ADARB2: variants seen among roughly 807,000 people sequenced by gnomAD.
ADARB2 encodes inactive double-stranded RNA-specific editase B2.
ADARB2 carries 25 observed loss-of-function variants against 62.2 expected under a neutral mutation model. That is an observed-to-expected ratio of 0.40 (90% confidence interval 0.29 to 0.56). The LOEUF is 0.56. Among genes scored for constraint, ADARB2 ranks in the 20% least tolerant of loss-of-function variants. The pLI is 0.43. For synonymous variants in ADARB2, 572 were observed against 500.8 expected, an observed-to-expected ratio of 1.14 and a Z score of -1.90; for missense variants, 1,071 against 1,077.4, an observed-to-expected ratio of 0.99 and a Z score of 0.08.
intron 1 of ADARB2, among the ~76,000 whole-genome samples, chr10:1,532,891 C>T (rs1048384312): frequency 6.6e-6 from 1 of 152,082 alleles, no homozygotes; most frequent in African/African-American, 2.4e-5. Flanking sequence ...CCATCTGAAC[C>T]CCTCAGGCTG....
At chr10:1,421,279 A>C (rs1041352533) in intron 1 of ADARB2, among the ~76,000 whole-genome samples, 5 of 151,816 alleles carry the variant, frequency 3.3e-5, no homozygotes, top group African/African-American at 1.2e-4. Flanking sequence ...TTTGTGGGAC[A>C]GGTGGCTGGT....
intron 4 of ADARB2, among the ~76,000 whole-genome samples, chr10:1,252,750 G>A (rs1831047870): frequency 6.6e-6 from 1 of 151,892 alleles, no homozygotes. Flanking sequence ...TAAAATGTCT[G>A]GCTTGGGGAC....
intron 1 of ADARB2, among the ~76,000 whole-genome samples, chr10:1,682,430 C>T (rs890982347): frequency 1.3e-5 from 2 of 152,182 alleles, no homozygotes; most frequent in African/African-American, 4.8e-5. Context: ...AAACCAGTAT[C>T]CCCTGAAAGT....
intron 1 of ADARB2, among the ~76,000 whole-genome samples, chr10:1,720,735 G>A (rs532950553): frequency 1.1e-4 from 17 of 152,162 alleles, no homozygotes; most frequent in Admixed American, 3.9e-4. Context: ...CCCTGGACAC[G>A]TGGAAACCCT....
chr10:1,720,997 T>A (rs1468490603), intron 1 of ADARB2, among the ~76,000 whole-genome samples: 8 of 152,178 alleles, frequency 5.3e-5, no homozygotes, highest in Non-Finnish European at 1.2e-4. Context: ...TGAAGATGAT[T>A]TCAAAAATGG....
intron 1 of ADARB2, among the ~76,000 whole-genome samples, chr10:1,730,913 C>T (rs1344102865): frequency 6.6e-6 from 1 of 152,200 alleles, no homozygotes; most frequent in East Asian, 1.9e-4. Flanking sequence ...TAACTGTATT[C>T]ATTCACCATC....
At chr10:1,327,085 T>TCCCCACGGCCCAGCG in intron 3 of ADARB2, among the ~76,000 whole-genome samples, 1 of 93,044 alleles carries the variant, frequency 1.1e-5, no homozygotes, top group East Asian at 3.4e-4. Flanking sequence ...GCACAGCGCC[T>TCCCCACGGCCCAGCG]CCTCACTGCA....
chr10:1,388,425 G>C (rs1240469998), intron 1 of ADARB2, among the ~76,000 whole-genome samples: 1 of 152,106 alleles, frequency 6.6e-6, no homozygotes, highest in Non-Finnish European at 1.5e-5. Context: ...TGGAAAGGAA[G>C]TAGAACTGAC....
intron 4 of ADARB2, among the ~76,000 whole-genome samples, chr10:1,269,528 C>G (rs915811152): frequency 3.3e-5 from 5 of 152,206 alleles, no homozygotes; most frequent in African/African-American, 4.8e-5. Flanking sequence ...TTCAAAATAA[C>G]CTGATCAGGT....
At chr10:1,727,397 C>G (rs1325815121) in intron 1 of ADARB2, among the ~76,000 whole-genome samples, 1 of 152,186 alleles carries the variant, frequency 6.6e-6, no homozygotes, top group Non-Finnish European at 1.5e-5. Context: ...GAGTGCTGCC[C>G]TGTGTAAAAG....
rs911004564 is a variant in ADARB2, at chr10:1,179,016, A to G, written c.*4177T>C. The G allele has an allele frequency of 6.6e-6, 1 of 152,242 alleles. No individual in the cohort carries two copies. Among genetic ancestry groups the G allele is most frequent in the Non-Finnish European group, 1.5e-5 (1 of 68,044 alleles). The allele number at this position is 152,242 out of a possible 1,614,324, so 9.4% of individuals were successfully genotyped here. A position where few individuals can be genotyped will look rare whatever the true frequency, so the allele number is the denominator to read the frequency against. Reference sequence around the variant, plus strand: ...AGAATGGCTTCTTAAAAAAGGGCATATAAGTTTCCCTAAATTAAAAATGTC... The same window carrying G: ...AGAATGGCTTCTTAAAAAAGGGCATGTAAGTTTCCCTAAATTAAAAATGTC... On this transcript the variant is annotated 3_prime_UTR_variant, in exon 10 of 10. Coordinates refer to ENST00000381312, the MANE Select transcript of ADARB2 (RefSeq NM_018702.4).
At chr10:1,276,781 A>C (rs1831322110) in intron 3 of ADARB2, among the ~76,000 whole-genome samples, 1 of 152,140 alleles carries the variant, frequency 6.6e-6, no homozygotes, top group Admixed American at 6.6e-5. Flanking sequence ...AGAACTCTCC[A>C]CCCCAAATCA....
At chr10:1,417,253 A>G (rs1178536029) in intron 1 of ADARB2, among the ~76,000 whole-genome samples, 1 of 148,550 alleles carries the variant, frequency 6.7e-6, no homozygotes, top group Admixed American at 7.5e-5. Context: ...GTCAAGAAGT[A>G]TAGACTAGAT....
At chr10:1,709,088 A>T (rs1195340694) in intron 1 of ADARB2, among the ~76,000 whole-genome samples, 1 of 152,154 alleles carries the variant, frequency 6.6e-6, no homozygotes, top group East Asian at 1.9e-4. Context: ...ACTAAGAATG[A>T]CTGTTTCATA....
Position 1,234,048 on chromosome 10 carries a change from G to A in ADARB2, c.1362-203C>T, listed in dbSNP as rs934849089. ...TGCAATGGTGCCATATTTGCTCACT[G>A]CAACCTCCACCCACTGAGTTCAAGC... is the stretch of plus-strand genomic sequence containing the variant. On this transcript the variant is annotated intron_variant, in intron 5 of 9. Coordinates refer to ENST00000381312, the MANE Select transcript of ADARB2 (RefSeq NM_018702.4). Among the ~76,000 whole-genome samples, 44 of 140,282 alleles carry A rather than the reference G, an allele frequency of 3.1e-4. 2 individuals are homozygous for A. The highest frequency in any genetic ancestry group is 1.5e-5 in the Non-Finnish European group (1 of 66,702). The allele number at this position is 140,282 out of a possible 152,430, so 92.0% of individuals were successfully genotyped here.
chr10:1,266,099 T>C (rs1831196670), intron 4 of ADARB2, among the ~76,000 whole-genome samples: 1 of 149,340 alleles, frequency 6.7e-6, no homozygotes, highest in African/African-American at 2.5e-5. Context: ...GGGCCCAGGC[T>C]CTCCCGGAAG....
intron 1 of ADARB2, among the ~76,000 whole-genome samples, chr10:1,462,709 G>T (rs1241208725): frequency 1.3e-5 from 2 of 152,008 alleles, no homozygotes; most frequent in African/African-American, 4.8e-5. Context: ...CTGTGTGTAT[G>T]TGCATGACTG....
At chr10:1,622,101 G>T (rs1450658308) in intron 1 of ADARB2, among the ~76,000 whole-genome samples, 1 of 152,110 alleles carries the variant, frequency 6.6e-6, no homozygotes, top group African/African-American at 2.4e-5. Context: ...AATGGGGAAA[G>T]GATACTCTTT....
At chr10:1,241,727 G>A (rs565620264) in intron 5 of ADARB2, among the ~76,000 whole-genome samples, 4 of 152,332 alleles carry the variant, frequency 2.6e-5, no homozygotes, top group Admixed American at 2.0e-4. Context: ...TGGCACAGGA[G>A]GCAAGAAGAC....
Sources: gnomAD v4.1 joint callset for allele counts (sites outside exome capture counted in the v4.1 genomes callset) on GRCh38, gnomAD v4.1.1 for gene constraint, MANE v1.5 for transcripts, NCBI Gene and HGNC (gene_info 2026-07-23, HGNC 2026-07-21) for gene names.